RBFOX1: variants seen among roughly 807,000 people sequenced by gnomAD.
RBFOX1 encodes the protein RNA binding protein fox-1 homolog 1.
Under a neutral mutation model 57.7 loss-of-function variants are expected in RBFOX1, and 8 were observed. The ratio of observed to expected loss-of-function variants is 0.14; its 90% CI spans 0.08 to 0.25. The LOEUF (loss-of-function observed/expected upper bound fraction) is 0.25, where lower values mean the gene tolerates loss of function less well. RBFOX1 is among the 10% of genes least tolerant of loss of function. RBFOX1 has a pLI of 1.00. For synonymous variants in RBFOX1, 326 were observed against 222.4 expected (o/e 1.47, Z -4.15); for missense variants, 611 against 548.5 (o/e 1.11, Z -1.14).
At chr16:6,981,756 A>G (rs2088942622) in intron 3 of RBFOX1, among the ~76,000 whole-genome samples, 1 of 152,046 alleles carries the variant, frequency 6.6e-6, no homozygotes, top group African/African-American at 2.4e-5. Context: ...TGATTCAATT[A>G]TTTCCCGCCT....
chr16:7,276,059 T>C (rs1178240302), intron 4 of RBFOX1, among the ~76,000 whole-genome samples: 1 of 152,130 alleles, frequency 6.6e-6, no homozygotes, highest in African/African-American at 2.4e-5. Flanking sequence ...GAAAAGGCAA[T>C]AAAGAAACTC....
intron 3 of RBFOX1, among the ~76,000 whole-genome samples, chr16:5,683,951 A>G (rs1325176035): frequency 6.6e-5 from 10 of 152,126 alleles, no homozygotes; most frequent in Admixed American, 5.2e-4. Flanking sequence ...TTGACATATT[A>G]TCCCAAGGTA....
chr16:6,415,355 G>C (rs2093594812), intron 2 of RBFOX1, among the ~76,000 whole-genome samples: 3 of 151,766 alleles, frequency 2.0e-5, no homozygotes, highest in Admixed American at 2.0e-4. Flanking sequence ...TGACTTAAGT[G>C]ATAAGCCCAA....
chr16:7,313,601 A>G (rs2096371005), intron 4 of RBFOX1, among the ~76,000 whole-genome samples: 2 of 152,010 alleles, frequency 1.3e-5, no homozygotes, highest in African/African-American at 2.4e-5. Context: ...AATGATGATC[A>G]TAATAATAAA....
chr16:7,514,066 C>A (rs1418218200), intron 4 of RBFOX1, among the ~76,000 whole-genome samples: 1 of 152,062 alleles, frequency 6.6e-6, no homozygotes, highest in African/African-American at 2.4e-5. Context: ...CTGGTGATCC[C>A]ATATCTAATG....
intron 3 of RBFOX1, among the ~76,000 whole-genome samples, chr16:6,788,350 G>T (rs1288854450): frequency 6.6e-6 from 1 of 151,978 alleles, no homozygotes; most frequent in African/African-American, 2.4e-5. Flanking sequence ...AACACAAGCT[G>T]GTGAGGCATG....
intron 2 of RBFOX1, among the ~76,000 whole-genome samples, chr16:6,419,009 T>C (rs1429258773): frequency 6.6e-6 from 1 of 152,164 alleles, no homozygotes; most frequent in African/African-American, 2.4e-5. Flanking sequence ...ACAGAGACCA[T>C]TTGCAGACTT....
chr16:7,657,792 G>A (rs951707606), intron 12 of RBFOX1, among the ~76,000 whole-genome samples: 2 of 152,058 alleles, frequency 1.3e-5, no homozygotes, highest in African/African-American at 2.4e-5. Context: ...TGTGGACCAT[G>A]GTGGGATCAT....
chr16:7,400,173 C>T (rs931630779), intron 4 of RBFOX1, among the ~76,000 whole-genome samples: 2 of 152,116 alleles, frequency 1.3e-5, no homozygotes, highest in African/African-American at 4.8e-5. Flanking sequence ...AACAATTATG[C>T]TAGAAGTTCT....
rs139964900 is a variant in RBFOX1, at chr16:6,939,142, C to T, written c.-15-112915C>T. On this transcript the variant is annotated intron_variant, in intron 3 of 15. Transcript: ENST00000550418. ...ATTTAGCAACCTGCCAAGGTCACAC[C>T]ACTAACTAATGGCATAGCTGGAATT... 3.3e-4 allele frequency among the ~76,000 whole-genome samples: 50 copies of T among 152,094 alleles called. No individual in the cohort carries two copies. The East Asian group carries it at 8.5e-3, about 26-fold the overall frequency.
chr16:5,523,307 A>T (rs2044096815), intron 2 of RBFOX1, among the ~76,000 whole-genome samples: 2 of 152,010 alleles, frequency 1.3e-5, no homozygotes, highest in African/African-American at 4.8e-5. Context: ...GAGAGGGGAC[A>T]GGTGTCCCTT....
chr16:6,658,237 C>A (rs966674555), intron 3 of RBFOX1, among the ~76,000 whole-genome samples: 1 of 150,796 alleles, frequency 6.6e-6, no homozygotes, highest in African/African-American at 2.5e-5. Flanking sequence ...TGGAAGAGAG[C>A]CTTCATTTTT....
In RBFOX1 at chr16:6,293,491, C is replaced by T. The variant is rs937634318; in HGVS notation, c.-126-23504C>T. On this transcript the variant is annotated intron_variant, in intron 1 of 15. Coordinates refer to ENST00000550418, the MANE Select transcript of RBFOX1 (RefSeq NM_018723.4). ...TGAATGCATAGCCTGTCTGCCAGGT[C>T]CTTGGATAAGCTCTTGGGATGCAAA... Among the ~76,000 whole-genome samples the T allele has an allele frequency of 5.9e-5, 9 of 152,144 alleles. 1 individual carries two copies. The highest frequency in any genetic ancestry group is 4.6e-4 in the Admixed American group (7 of 15,282).
intron 4 of RBFOX1, among the ~76,000 whole-genome samples, chr16:7,052,514 T>G (rs894097163): frequency 2.0e-5 from 3 of 152,184 alleles, no homozygotes; most frequent in African/African-American, 7.2e-5. Flanking sequence ...GCAAGGAATA[T>G]GTCAAGGGCG....
intron 4 of RBFOX1, among the ~76,000 whole-genome samples, chr16:7,321,972 G>C (rs1423296153): frequency 1.3e-5 from 2 of 152,216 alleles, no homozygotes; most frequent in Admixed American, 6.5e-5. Flanking sequence ...GGCACAGCTT[G>C]GTTCTGGGTC....
At chr16:7,562,987 C>A (rs1003724776) in intron 5 of RBFOX1, among the ~76,000 whole-genome samples, 3 of 152,146 alleles carry the variant, frequency 2.0e-5, no homozygotes, top group African/African-American at 4.8e-5. Flanking sequence ...AGGGACTTGA[C>A]CCAGGGGATT....
chr16:6,892,286 C>G (rs990591940), intron 3 of RBFOX1, among the ~76,000 whole-genome samples: 5 of 152,162 alleles, frequency 3.3e-5, no homozygotes, highest in Non-Finnish European at 1.5e-5. Flanking sequence ...TTAGACAAGA[C>G]TCTTCGACCG....
At chr16:7,709,813 A>C (rs1047218447) in intron 15 of RBFOX1, 46 of 1,268,334 alleles carry the variant, frequency 3.6e-5, no homozygotes, top group Non-Finnish European at 4.2e-5. Context: ...GTACTTGTTC[A>C]AACTTCTATG....
chr16:7,339,956 G>A (rs2096862314), intron 4 of RBFOX1, among the ~76,000 whole-genome samples: 1 of 152,108 alleles, frequency 6.6e-6, no homozygotes, highest in South Asian at 2.1e-4. Context: ...TGGAAAAGAT[G>A]GTTCTTGGCA....
Sources: allele counts gnomAD v4.1 joint callset (sites outside exome capture counted in the v4.1 genomes callset), GRCh38; gene constraint gnomAD v4.1.1; transcripts MANE v1.5; gene names NCBI Gene and HGNC (gene_info 2026-07-23, HGNC 2026-07-21).